The following MTOR variants were observed in gnomAD, a reference collection of about 807,000 sequenced individuals.
MTOR encodes mechanistic target of rapamycin kinase.
Under a neutral mutation model 319.8 loss-of-function variants are expected in MTOR, and 70 were observed. That is an observed-to-expected ratio of 0.22 (90% CI 0.18 to 0.27). The LOEUF is 0.27. MTOR is among the 10% of genes least tolerant of loss of function. MTOR has a pLI of 1.00. For synonymous variants in MTOR, 1,183 were observed against 1,211.4 expected (o/e 0.98, Z 0.49); for missense variants, 1,890 against 3,274.4 (o/e 0.58, Z 10.32).
intron 28 of MTOR, chr1:11,192,284 T>G: frequency 6.2e-7 from 1 of 1,613,690 alleles, no homozygotes. Context: ...CATCTACGAC[T>G]GCTCTTCCCT....
intron 18 of MTOR, 96 bp from the exon 19 acceptor site, chr1:11,229,014 T>C (rs2100858269): frequency 7.0e-7 from 1 of 1,423,500 alleles, no homozygotes; most frequent in Non-Finnish European, 9.7e-7. Flanking sequence ...TAACAGACAT[T>C]AGCATTCATA....
chr1:11,139,646 T>C lies in MTOR; in HGVS notation c.4885A>G (p.Ile1629Val). Residue 1629 changes from isoleucine to valine, a missense_variant, in exon 35 of 58, where the codon ATC (isoleucine) becomes GTC (valine). Transcript: ENST00000361445. ...AGGATTTTCTGCCAGTCCTCTACGA[T>C]ACGCTGGCAGCCCTGGAACATTCAG... The part of the protein sequence containing the change: ...WWERLQGCQR[I>V]VEDWQKILMV... 1.9e-6 allele frequency: 3 copies of C among 1,614,226 alleles called. No homozygotes were observed. The highest frequency in any genetic ancestry group is 1.6e-4 in the Middle Eastern group (1 of 6,062).
chr1:11,181,900 G>A (rs1442568249), intron 28 of MTOR, among the ~76,000 whole-genome samples: 1 of 152,186 alleles, frequency 6.6e-6, no homozygotes, highest in African/African-American at 2.4e-5. Flanking sequence ...GAGCTTACAG[G>A]TTAGAGAAGT....
chr1:11,248,221 GC>G, intron 6 of MTOR, 127 bp from the exon 7 acceptor site: 2 of 977,724 alleles, frequency 2.0e-6, no homozygotes, highest in Non-Finnish European at 1.5e-6. Context: ...GTGAAGGGTG[GC>G]CACTCTTCAT....
At chr1:11,222,609 T>C (rs1451958694) in intron 19 of MTOR, among the ~76,000 whole-genome samples, 9 of 152,028 alleles carry the variant, frequency 5.9e-5, no homozygotes, top group Admixed American at 5.9e-4. Context: ...AAAGTGCTGA[T>C]ATTACAGCCA....
intron 28 of MTOR, among the ~76,000 whole-genome samples, chr1:11,192,748 TA>T (rs56996673): frequency 0.57 from 67,444 of 119,192 alleles, 21,318 homozygotes; most frequent in East Asian, 0.74. Flanking sequence ...CCATTTCAAT[TA>T]AAAAAAAAAA....
chr1:11,108,091 C>A, intron 57 of MTOR, 90 bp downstream of exon 57: 1 of 1,016,940 alleles, frequency 9.8e-7, no homozygotes, highest in Non-Finnish European at 1.5e-6. Context: ...AGATACCTCA[C>A]CAAATCTCTT....
rs555218320 is a variant in MTOR, at chr1:11,232,070, G to A, written c.2514+366C>T. On this transcript the variant is annotated intron_variant, in intron 16 of 57. Coordinates refer to ENST00000361445, the MANE Select transcript of MTOR (RefSeq NM_004958.4). ...TCTAGTCATCTAATAGCCTCAAATT[G>A]GGAAAGCAGAACCAGGGCTGGGCAA... Among the ~76,000 whole-genome samples the A allele has an allele frequency of 1.2e-4, 18 of 152,250 alleles. No individual in the cohort carries two copies. In the South Asian group the frequency reaches 3.7e-3, roughly 32 times the overall value.
chr1:11,212,697 C>G lies in MTOR; in HGVS notation c.3398+99G>C. 1 of 1,210,528 alleles carries G rather than the reference C, an allele frequency of 8.3e-7. No homozygotes were observed. Among genetic ancestry groups the G allele is most frequent in the Non-Finnish European group, 1.2e-6 (1 of 842,548 alleles). 75.0% of individuals were successfully genotyped at this position (1,210,528 alleles called of 1,614,324 possible). On this transcript the variant is annotated intron_variant, in intron 22 of 57. Coordinates refer to ENST00000361445, the MANE Select transcript of MTOR (RefSeq NM_004958.4). The surrounding 1 kb of genome is among the most constrained non-coding windows in gnomAD (Gnocchi z 4.1). Reference sequence around the variant, plus strand: ...ACTAAAATAATGTGAGTTGAAATAACAAAAAAAATAGAAAGATGGCCTGGG... The same window carrying G: ...ACTAAAATAATGTGAGTTGAAATAAGAAAAAAAATAGAAAGATGGCCTGGG...
chr1:11,249,773 T>G (rs1386053226), intron 6 of MTOR, among the ~76,000 whole-genome samples: 2 of 145,942 alleles, frequency 1.4e-5, no homozygotes, highest in Middle Eastern at 3.3e-3. Context: ...GGCAGAAGAA[T>G]TTTTCTTAGT....
intron 29 of MTOR, among the ~76,000 whole-genome samples, chr1:11,163,554 G>A (rs1042116213): frequency 2.6e-5 from 4 of 152,174 alleles, no homozygotes; most frequent in Non-Finnish European, 4.4e-5. Context: ...CTCAGCAAAT[G>A]TAAAAGAACA....
In MTOR at chr1:11,144,734, G is replaced by C. The variant is rs1385066502; in HGVS notation, c.4786C>G (p.Leu1596Val). 1 of 1,613,360 alleles carries C rather than the reference G, an allele frequency of 6.2e-7. No individual in the cohort carries two copies. The highest frequency in any genetic ancestry group is 8.5e-7 in the Non-Finnish European group (1 of 1,180,006). ...TGGATAACCTCCTCCAGCTCGGACA[G>C]CATGTGGCAAGAAACCATGGCCTGA... is the stretch of plus-strand genomic sequence containing the variant. ...AYGAMVSCHMLSELEEVIQYK... is the reference protein window; with the variant it reads ...AYGAMVSCHMVSELEEVIQYK... Residue 1596 changes from leucine to valine, a missense_variant, in exon 34 of 58, where the codon CTG becomes GTG. Coordinates refer to ENST00000361445, the MANE Select transcript of MTOR (RefSeq NM_004958.4).
chr1:11,190,599 T>A (rs1645489208), intron 28 of MTOR, among the ~76,000 whole-genome samples: 1 of 152,220 alleles, frequency 6.6e-6, no homozygotes, highest in South Asian at 2.1e-4. Context: ...CAGGATTTTT[T>A]AAATGCAATG....
intron 49 of MTOR, among the ~76,000 whole-genome samples, chr1:11,120,433 G>A (rs1642455159): frequency 6.6e-6 from 1 of 152,050 alleles, no homozygotes; most frequent in South Asian, 2.1e-4. Context: ...AGCTACTGGG[G>A]AGGCTGAGGC....
intron 19 of MTOR, among the ~76,000 whole-genome samples, chr1:11,225,913 C>T (rs771083396): frequency 6.6e-6 from 1 of 152,140 alleles, no homozygotes; most frequent in Non-Finnish European, 1.5e-5. Context: ...GTAGCCAAAA[C>T]TGCTTCAAGG....
chr1:11,190,017 C>T (rs1557822901), intron 28 of MTOR: 2 of 1,535,118 alleles, frequency 1.3e-6, no homozygotes, highest in Non-Finnish European at 1.7e-6. Context: ...ACTGCTTCTA[C>T]ATATCCTGGT....
At position 11,228,806 on chromosome 1, in the gene MTOR, G is replaced by C. The variant is rs1176448189; in HGVS notation, c.2892C>G (p.Leu964=). 1 of 1,614,198 alleles carries C rather than the reference G, an allele frequency of 6.2e-7. No individual in the cohort carries two copies. The highest frequency in any genetic ancestry group is 8.5e-7 in the Non-Finnish European group (1 of 1,180,032). ...ALMRIFRDQS[L]SHHHTMVVQA... is the part of the protein sequence containing the mutation. ...GGACAACCATGGTGTGATGATGAGA[G>C]AGTGACTGGTCTCGGAAGATCCGCA... is the stretch of plus-strand genomic sequence containing the variant. The change falls in exon 19 of 58, where the codon CTC becomes CTG. Residue 964 remains leucine, a synonymous_variant. Coordinates refer to ENST00000361445, the MANE Select transcript of MTOR (RefSeq NM_004958.4).
chr1:11,139,479 C>A lies in MTOR; in HGVS notation c.4999-44G>T, dbSNP rs199613873. ...TGGGTTATAGACAGAACTGGACAGCCCAGGGACACCATGGGGCCCTACCTG... is the reference window on the plus strand; with the variant it reads ...TGGGTTATAGACAGAACTGGACAGCACAGGGACACCATGGGGCCCTACCTG... On this transcript the variant is annotated intron_variant, in intron 35 of 57. Coordinates refer to ENST00000361445, the MANE Select transcript of MTOR (RefSeq NM_004958.4). 3.6e-4 allele frequency: 580 copies of A among 1,613,960 alleles called. 5 individuals are homozygous for A. The Middle Eastern group carries it at 3.6e-3, about 10-fold the overall frequency.
At chr1:11,163,381 G>A (rs1330803011) in intron 29 of MTOR, among the ~76,000 whole-genome samples, 1 of 152,078 alleles carries the variant, frequency 6.6e-6, no homozygotes, top group Non-Finnish European at 1.5e-5. Flanking sequence ...GATCAAGACA[G>A]AAAGTTAACA....
Sources: allele counts gnomAD v4.1 joint callset (sites outside exome capture counted in the v4.1 genomes callset), GRCh38; gene constraint gnomAD v4.1.1; non-coding constraint Gnocchi (gnomAD v3.1); transcripts MANE v1.5; gene names NCBI Gene and HGNC (gene_info 2026-07-23, HGNC 2026-07-21).